NMT2: variants seen among roughly 807,000 people sequenced by gnomAD.
NMT2 encodes N-myristoyltransferase 2.
A neutral mutation model predicts 65.4 loss-of-function variants in NMT2; 35 were observed. That is an observed-to-expected ratio of 0.54 (90% CI 0.41 to 0.71). NMT2 has a LOEUF of 0.71. NMT2 is among the 30% of genes least tolerant of loss of function. The pLI is 0.00. For synonymous variants in NMT2, 226 were observed against 231.8 expected (o/e 0.98, Z 0.23); for missense variants, 489 against 611.3 (o/e 0.80, Z 2.11).
At position 15,119,323 on chromosome 10, in the gene NMT2, G is replaced by T; in HGVS notation, c.1170+20C>A. 6.2e-7 allele frequency: 1 copy of T among 1,611,724 alleles called. No individual in the cohort carries two copies. The highest frequency in any genetic ancestry group is 1.3e-5 in the African/African-American group (1 of 74,976). On this transcript the variant is annotated intron_variant, in intron 9 of 11. Transcript: ENST00000378165. ...AGGGTGCTTCAAGGAGAAGCTTTAT[G>T]TTTATCACCTTGTCTTTACCTCCAC...
chr10:15,160,842 A>C (rs1414625741), intron 1 of NMT2, among the ~76,000 whole-genome samples: 1 of 152,034 alleles, frequency 6.6e-6, no homozygotes, highest in Non-Finnish European at 1.5e-5. Context: ...TGGTAATAGA[A>C]CAACAGGGAA....
At chr10:15,136,614 CCCTCCTGAT>C (rs1383262708) in intron 2 of NMT2, among the ~76,000 whole-genome samples, 1 of 152,152 alleles carries the variant, frequency 6.6e-6, no homozygotes, top group Non-Finnish European at 1.5e-5. Flanking sequence ...CTTCTCCTGA[CCCTCCTGAT>C]CCTCCTGATC....
chr10:15,153,247 C>A (rs1314478849), intron 1 of NMT2, among the ~76,000 whole-genome samples: 1 of 152,172 alleles, frequency 6.6e-6, no homozygotes, highest in Non-Finnish European at 1.5e-5. Context: ...ACAGTGAGAC[C>A]TCCCCTCCGC....
chr10:15,152,609 T>C (rs1377625447), intron 1 of NMT2, among the ~76,000 whole-genome samples: 1 of 152,222 alleles, frequency 6.6e-6, no homozygotes, highest in Non-Finnish European at 1.5e-5. Flanking sequence ...TCCCCAGCCT[T>C]CTGTTATCCC....
intron 6 of NMT2, among the ~76,000 whole-genome samples, chr10:15,130,879 T>C (rs186530295): frequency 4.9e-4 from 72 of 146,090 alleles, no homozygotes; most frequent in African/African-American, 1.6e-3. Flanking sequence ...AACCTCTTAC[T>C]CCTGGGTTCA....
In NMT2 at chr10:15,141,392, A is replaced by G. The variant is rs929037338; in HGVS notation, c.246+30T>C. On this transcript the variant is annotated intron_variant, in intron 2 of 11. Transcript: ENST00000378165. ...AACCCACTCATGCACGAGAAACCAC[A>G]CAGAGGAAAAAATAAAACAGAGCTC... 2.5e-6 allele frequency: 4 copies of G among 1,612,976 alleles called. No individual in the cohort carries two copies. The Admixed American group carries it at 5.0e-5, about 20-fold the overall frequency.
chr10:15,154,949 G>A (rs1343253693), intron 1 of NMT2: 1 of 1,089,390 alleles, frequency 9.2e-7, no homozygotes, highest in Non-Finnish European at 1.4e-6. Flanking sequence ...TCTTGGCAGT[G>A]CAGATGAAAA....
intron 1 of NMT2, among the ~76,000 whole-genome samples, chr10:15,161,652 G>C (rs988499865): frequency 6.6e-6 from 1 of 152,094 alleles, no homozygotes; most frequent in African/African-American, 2.4e-5. Flanking sequence ...GAGCCACCAC[G>C]CCTGGCCGGG....
intron 1 of NMT2, among the ~76,000 whole-genome samples, chr10:15,142,855 T>C (rs1316502256): frequency 6.6e-6 from 1 of 152,150 alleles, no homozygotes; most frequent in East Asian, 1.9e-4. Context: ...GAGCTAGAAA[T>C]ATGCTGCAGA....
At chr10:15,121,430 C>A (rs907354779) in intron 8 of NMT2, among the ~76,000 whole-genome samples, 1 of 152,098 alleles carries the variant, frequency 6.6e-6, no homozygotes, top group Non-Finnish European at 1.5e-5. Context: ...TGCAATGGTG[C>A]GATCTCGGTT....
At chr10:15,160,272 G>C (rs1205259413) in intron 1 of NMT2, among the ~76,000 whole-genome samples, 2 of 152,192 alleles carry the variant, frequency 1.3e-5, no homozygotes, top group Non-Finnish European at 2.9e-5. Context: ...CCTGGGAGGA[G>C]GGTGGTGAGA....
chr10:15,151,303 C>T (rs1159192026), intron 1 of NMT2, among the ~76,000 whole-genome samples: 3 of 152,126 alleles, frequency 2.0e-5, no homozygotes, highest in Admixed American at 6.5e-5. Flanking sequence ...GTCATCTGCC[C>T]GCCTCGGCCC....
chr10:15,127,218 G>A (rs1222151135), intron 8 of NMT2, among the ~76,000 whole-genome samples: 10 of 148,808 alleles, frequency 6.7e-5, no homozygotes, highest in African/African-American at 2.0e-4. Context: ...CTGGGTAACA[G>A]AGCGAGACTC....
intron 8 of NMT2, among the ~76,000 whole-genome samples, chr10:15,127,134 C>G (rs1846098740): frequency 6.6e-6 from 1 of 152,026 alleles, no homozygotes; most frequent in Admixed American, 6.6e-5. Context: ...ATTTGGGAGG[C>G]TGAGGCAGGA....
At chr10:15,158,040 C>T (rs983817663) in intron 1 of NMT2, among the ~76,000 whole-genome samples, 1 of 152,086 alleles carries the variant, frequency 6.6e-6, no homozygotes, top group African/African-American at 2.4e-5. Flanking sequence ...TAAGGCTGGG[C>T]ACGGTGGCTC....
rs201047504 is a variant in NMT2 at position 15,112,954 on chromosome 10, C to G, written c.1180G>C (p.Gly394Arg). Residue 394 changes from glycine (G) to arginine (R), a missense_variant, in exon 10 of 12, where the codon GGT becomes CGT. Coordinates refer to ENST00000378165, the MANE Select transcript of NMT2 (RefSeq NM_004808.3). ...AAGCTCAGGAAATCAGTCAGTTTAC[C>G]GTTGGGGCTCTAGGAGCAAAAGTGC... ...IDTFVVESPN[G>R]KLTDFLSFYT... 1.9e-6 allele frequency: 3 copies of G among 1,614,026 alleles called. No homozygotes were observed. Among genetic ancestry groups the G allele is most frequent in the Admixed American group, 3.3e-5 (2 of 59,988 alleles).
chr10:15,139,863 C>CCATATATATATATA (rs1434021981), intron 2 of NMT2: 3 of 69,568 alleles, frequency 4.3e-5, no homozygotes, highest in African/African-American at 1.0e-4. Context: ...GTAACAACTA[C>CCATATATATATATA]TATATATATA....
At chr10:15,133,862 G>T (rs957865075) in intron 3 of NMT2, among the ~76,000 whole-genome samples, 1 of 152,128 alleles carries the variant, frequency 6.6e-6, no homozygotes. Flanking sequence ...TGCTGGGATT[G>T]TAGGTGTGAG....
chr10:15,147,987 T>C, intron 1 of NMT2, among the ~76,000 whole-genome samples: 1 of 152,206 alleles, frequency 6.6e-6, no homozygotes, highest in East Asian at 1.9e-4. Context: ...AATGAGAAAG[T>C]ATTACCAGCC....
Sources: allele counts gnomAD v4.1 joint callset (sites outside exome capture counted in the v4.1 genomes callset), GRCh38; gene constraint gnomAD v4.1.1; transcripts MANE v1.5; gene names NCBI Gene and HGNC (gene_info 2026-07-23, HGNC 2026-07-21).